The following CENPX variants were observed in gnomAD, a reference collection of about 807,000 sequenced individuals.
The protein encoded by CENPX is centromere protein X, also known as FANCM associated histone fold protein 2.
CENPX carries 13 observed loss-of-function variants against 13.2 expected under a neutral mutation model. The observed-to-expected ratio is 0.98, with a 90% CI of 0.64 to 1.56. The LOEUF (loss-of-function observed/expected upper bound fraction) is 1.56, where lower values mean the gene tolerates loss of function less well. CENPX is among the 40% of genes most tolerant of loss of function. The pLI is 0.00. For missense variants in CENPX, 138 were observed against 107.5 expected, an observed-to-expected ratio of 1.28 and a Z score of -1.26; for synonymous variants, 66 against 47.2, an observed-to-expected ratio of 1.40 and a Z score of -1.63.
In CENPX at chr17:82,019,659, G is replaced by A. The variant is rs1035617202; in HGVS notation, c.124C>T (p.Leu42=). The change falls in exon 3 of 5, where the codon CTG becomes TTG. Residue 42 remains leucine (L), a synonymous_variant. Coordinates refer to ENST00000392359, the MANE Select transcript of CENPX (RefSeq NM_001271006.2). ...GGCTCACCCACAACGAAGACCTTCA[G>A]CAACTCCACCATGAGCTGCAGCGCG... The part of the protein sequence containing the change: ...GDALQLMVEL[L]KVFVVEAAVR... 1.8e-5 allele frequency: 28 copies of A among 1,550,180 alleles called. No homozygotes were observed. In the South Asian group the frequency reaches 2.0e-4, roughly 11 times the overall value.
intron 1 of CENPX, among the ~76,000 whole-genome samples, chr17:82,020,527 G>C (rs1256616298): frequency 2.0e-5 from 3 of 152,222 alleles, no homozygotes; most frequent in African/African-American, 7.2e-5. Flanking sequence ...CTGGAGTGAG[G>C]GGTGGGCCAG....
rs1397681386 is a variant in CENPX at position 82,019,845 on chromosome 17, C to G, written c.88+13G>C. ...CACGGGGACCCACCTCCCGCCCGCA[C>G]CCCCACCCGCACCTTTGGTCTTGTC... On this transcript the variant is annotated intron_variant, in intron 2 of 4. Transcript: ENST00000392359. The G allele has an allele frequency of 6.3e-7, 1 of 1,596,600 alleles. No individual in the cohort carries two copies. The highest frequency in any genetic ancestry group is 1.7e-5 in the Admixed American group (1 of 59,390).
intron 3 of CENPX, 95 bp from the exon 4 acceptor site, chr17:82,019,476 C>T (rs766282544): frequency 1.3e-6 from 2 of 1,509,720 alleles, no homozygotes; most frequent in African/African-American, 2.8e-5. Flanking sequence ...CCCCCCAACA[C>T]CCACGGGCAG....
intron 3 of CENPX, 83 bp from the exon 4 acceptor site, chr17:82,019,464 C>A (rs1264877065): frequency 6.7e-7 from 1 of 1,497,672 alleles, no homozygotes; most frequent in Admixed American, 2.0e-5. Context: ...TGGGCCGGTG[C>A]CCCCCCCAAC....
rs576372578 is a variant in CENPX at position 82,019,310 on chromosome 17, T to C, written c.214A>G (p.Lys72Glu). 1.3e-6 allele frequency: 2 copies of C among 1,592,430 alleles called. No homozygotes were observed. The highest frequency in any genetic ancestry group is 1.7e-6 in the Non-Finnish European group (2 of 1,170,754). The change falls in exon 4 of 5, where the codon AAG (lysine) becomes GAG (glutamate). Residue 72 changes from lysine to glutamate, a missense_variant. Physicochemically the swap from Lys to Glu is moderately conservative, Grantham distance 56. Transcript: ENST00000392359. ...TCACGCACCAGCTGCGGAAGCACCT[T>C]CTCCAGCTGGTCCACGTCCACACGG... ...ALRVDVDQLE[K>E]VLPQLLLDF
In CENPX at chr17:82,022,872, T is replaced by C. The variant is rs749943790; in HGVS notation, c.-11A>G. 4.4e-6 allele frequency: 7 copies of C among 1,587,808 alleles called. No homozygotes were observed. The highest frequency in any genetic ancestry group is 1.9e-4 in the Middle Eastern group (1 of 5,296). The stretch of plus-strand genomic sequence containing the variant: ...TCCTGCTCCCTCCATGACCGCAGCC[T>C]CAACGCGCGCCCACCGGAACCCCGC... On this transcript the variant is annotated 5_prime_UTR_variant, in exon 1 of 5. Transcript: ENST00000392359.
At position 82,019,922 on chromosome 17, in the gene CENPX, G is replaced by C. The variant is rs200441304; in HGVS notation, c.37-13C>G. 4 of 1,580,650 alleles carry C rather than the reference G, an allele frequency of 2.5e-6. No homozygotes were observed. In the Admixed American group the frequency reaches 5.2e-5, roughly 20 times the overall value. On this transcript the variant is annotated splice_polypyrimidine_tract_variant and intron_variant, in intron 1 of 4. Coordinates refer to ENST00000392359, the MANE Select transcript of CENPX (RefSeq NM_001271006.2). ...TGCTCACCAGCTCCTAGAAGGGAGG[G>C]GGGTGTCAGCGCCACGCCCCGCCCT...
In CENPX at chr17:82,019,295, GCTGCGGAAGCAC is replaced by G; in HGVS notation, c.217_228del (p.Val73_Gln76del). The G allele has an allele frequency of 6.3e-7, 1 of 1,595,556 alleles. No individual in the cohort carries two copies. On this transcript the variant is annotated inframe_deletion, in exon 4 of 5. Coordinates refer to ENST00000392359, the MANE Select transcript of CENPX (RefSeq NM_001271006.2). ...CGCCCCGACCCACGCTCACGCACCA[GCTGCGGAAGCAC>G]CTTCTCCAGCTGGTCCACGTCCACA...
At chr17:82,020,989 C>T (rs1278156978) in intron 1 of CENPX, among the ~76,000 whole-genome samples, 6 of 152,154 alleles carry the variant, frequency 3.9e-5, no homozygotes, top group Non-Finnish European at 8.8e-5. Flanking sequence ...GGGAAAGGAG[C>T]CAGCACGGAG....
chr17:82,019,591 C>CG (rs1260095903), intron 3 of CENPX, 50 bp downstream of exon 3: 2 of 1,549,766 alleles, frequency 1.3e-6, no homozygotes, highest in African/African-American at 2.7e-5. Context: ...GCTGGAAAAA[C>CG]GCAAAATTCC....
In CENPX at chr17:82,022,833, AAGCCGGATCC is replaced by A. The variant is rs1226347016; in HGVS notation, c.19_28del (p.Gly7SerfsTer6). 1 of 1,591,982 alleles carries A rather than the reference AAGCCGGATCC, an allele frequency of 6.3e-7. No homozygotes were observed. The highest frequency in any genetic ancestry group is 8.5e-7 in the Non-Finnish European group (1 of 1,171,942). On this transcript the variant is annotated frameshift_variant, in exon 1 of 5. Transcript: ENST00000392359. LOFTEE classifies it high-confidence loss of function. ...CTGCCCTCCGGCCCTCACCTTCCGG[AAGCCGGATCC>A]AGCTCCTGCTCCCTCCATGACCGCA...
chr17:82,019,610 T>C (rs1319078915), intron 3 of CENPX, 31 bp downstream of exon 3: 7 of 1,550,242 alleles, frequency 4.5e-6, no homozygotes, highest in Non-Finnish European at 6.1e-6. Flanking sequence ...CCGGATGCTG[T>C]GCCCGGAGGG....
Position 82,022,847 on chromosome 17 carries a change from T to C in CENPX, c.15A>G (p.Gly5=), listed in dbSNP as rs151268309. Residue 5 remains glycine (G), a synonymous_variant, in exon 1 of 5, where the codon GGA becomes GGG. Transcript: ENST00000392359. The part of the protein sequence containing the change: MEGA[G]AGSGFRKELV... Reference sequence around the variant, plus strand: ...TCACCTTCCGGAAGCCGGATCCAGCTCCTGCTCCCTCCATGACCGCAGCCT... The same window carrying C: ...TCACCTTCCGGAAGCCGGATCCAGCCCCTGCTCCCTCCATGACCGCAGCCT... The C allele has an allele frequency of 6.3e-7, 1 of 1,592,626 alleles. No homozygotes were observed. Among genetic ancestry groups the C allele is most frequent in the Non-Finnish European group, 8.5e-7 (1 of 1,172,464 alleles).
chr17:82,019,897 T>C lies in CENPX; in HGVS notation c.49A>G (p.Arg17Gly), dbSNP rs553685710. The C allele has an allele frequency of 1.3e-6, 2 of 1,554,828 alleles. No individual in the cohort carries two copies. Among genetic ancestry groups the C allele is most frequent in the African/African-American group, 1.4e-5 (1 of 72,680 alleles). The change falls in exon 2 of 5, where the codon AGG becomes GGG. Residue 17 changes from arginine to glycine, a missense_variant. Physicochemically the swap from Arg to Gly is moderately radical, Grantham distance 125. Transcript: ENST00000392359. ...GSGFRKELVSRLLHLHFKDDK... is the reference protein window; with the variant it reads ...GSGFRKELVSGLLHLHFKDDK... The stretch of plus-strand genomic sequence containing the variant: ...TCCTTGAAGTGCAGGTGCAGCAGCC[T>C]GCTCACCAGCTCCTAGAAGGGAGGG...
rs2043216817 is a variant in CENPX at position 82,018,841 on chromosome 17, A to G, written c.*364T>C. 3.0e-6 allele frequency: 1 copy of G among 333,526 alleles called. No individual in the cohort carries two copies. The highest frequency in any genetic ancestry group is 2.1e-5 in the African/African-American group (1 of 47,822). 20.7% of individuals were successfully genotyped at this position (333,526 alleles called of 1,614,324 possible). A position where few individuals can be genotyped will look rare whatever the true frequency, so the allele number is the denominator to read the frequency against. On this transcript the variant is annotated 3_prime_UTR_variant, in exon 5 of 5. Coordinates refer to ENST00000392359, the MANE Select transcript of CENPX (RefSeq NM_001271006.2). ...GATGTCGGGTGGCAGGAATGTGGGC[A>G]GGAGGCAGCGCTGCCAGCTGCTGTT... is the stretch of plus-strand genomic sequence containing the variant.
rs933583804 is a variant in CENPX at position 82,019,572 on chromosome 17, G to C, written c.142+69C>G. 7 of 1,549,312 alleles carry C rather than the reference G, an allele frequency of 4.5e-6. No homozygotes were observed. The East Asian group carries it at 1.7e-4, about 38-fold the overall frequency. On this transcript the variant is annotated intron_variant, in intron 3 of 4. Transcript: ENST00000392359. ...TGTGGGAAACGGGAAAACACGTCTT[G>C]GTTTTCCCGCTGGAAAAACGCAAAA...
chr17:82,019,834 T>G, intron 2 of CENPX, 24 bp downstream of exon 2: 4 of 1,207,736 alleles, frequency 3.3e-6, no homozygotes, highest in Non-Finnish European at 4.8e-6. Flanking sequence ...GGGACCCACC[T>G]CCCGCCCGCA....
chr17:82,021,979 C>T (rs1320986760), intron 1 of CENPX, among the ~76,000 whole-genome samples: 2 of 152,218 alleles, frequency 1.3e-5, no homozygotes, highest in Non-Finnish European at 2.9e-5. Flanking sequence ...GGGCTGAAGT[C>T]CTCCCTCCAG....
rs893909066 is a variant in CENPX at position 82,022,730 on chromosome 17, G to A, written c.36+96C>T. The A allele has an allele frequency of 2.3e-5, 32 of 1,415,576 alleles. No homozygotes were observed. The Admixed American group carries it at 5.2e-4, about 23-fold the overall frequency. The allele number at this position is 1,415,576 out of a possible 1,614,324, so 87.7% of individuals were successfully genotyped here. A position where few individuals can be genotyped will look rare whatever the true frequency, so the allele number is the denominator to read the frequency against. ...CGGGCCCAACCTCAAAGGCACAGGG[G>A]GCGGCGCGGGGGCTGGCGTCTGGCC... On this transcript the variant is annotated intron_variant, in intron 1 of 4. Coordinates refer to ENST00000392359, the MANE Select transcript of CENPX (RefSeq NM_001271006.2).
Sources: allele counts gnomAD v4.1 joint callset (sites outside exome capture counted in the v4.1 genomes callset), GRCh38; gene constraint gnomAD v4.1.1; transcripts MANE v1.5; gene names NCBI Gene and HGNC (gene_info 2026-07-23, HGNC 2026-07-21).